Variants in RGS22 observed in about 807,000 individuals in gnomAD.
RGS22 encodes regulator of G-protein signaling 22.
A neutral mutation model predicts 172.9 loss-of-function variants in RGS22; 148 were observed. The ratio of observed to expected loss-of-function variants is 0.86; its 90% CI spans 0.75 to 0.98. The LOEUF (loss-of-function observed/expected upper bound fraction) is 0.98, where lower values mean the gene tolerates loss of function less well. RGS22 is among the 50% of genes least tolerant of loss of function. The pLI is 0.00. For missense variants in RGS22, 1,347 were observed against 1,440.8 expected, an observed-to-expected ratio of 0.93 and a Z score of 1.05; for synonymous variants, 458 against 480.2, an observed-to-expected ratio of 0.95 and a Z score of 0.60.
chr8:100,053,724 C>T (rs966949848), intron 9 of RGS22, among the ~76,000 whole-genome samples: 6 of 152,080 alleles, frequency 3.9e-5, no homozygotes, highest in African/African-American at 7.2e-5. Flanking sequence ...CAACCTCTGC[C>T]TCCTGGGTTC....
Position 99,965,416 on chromosome 8 carries a change from T to C in RGS22, c.3534A>G (p.Gln1178=), listed in dbSNP as rs147697097. 37,587 of 1,609,022 alleles carry C rather than the reference T, an allele frequency of 0.023. 524 individuals are homozygous for C. Among genetic ancestry groups the C allele is most frequent in the Middle Eastern group, 0.038 (230 of 6,054 alleles). Residue 1178 remains glutamine (Q), a synonymous_variant, in exon 24 of 28, where the codon CAA becomes CAG. Transcript: ENST00000360863. ...DEKSGKDGIK[Q]YANTSVPAIK... is the part of the protein sequence containing the mutation. ...TAGCAGGCACTGAAGTATTTGCATA[T>C]TGTTTGATTCCATCCTGTAATTATA... is the stretch of plus-strand genomic sequence containing the variant.
chr8:99,985,508 A>T (rs1563576046), intron 21 of RGS22, among the ~76,000 whole-genome samples: 1 of 152,306 alleles, frequency 6.6e-6, no homozygotes, highest in South Asian at 2.1e-4. Flanking sequence ...TAGTCAGAAC[A>T]TGCATCAGAA....
Position 100,003,989 on chromosome 8 carries a change from TCA to T in RGS22, c.2562_2563del (p.Ser854ArgfsTer4). 6.2e-7 allele frequency: 1 copy of T among 1,612,226 alleles called. No individual in the cohort carries two copies. Among genetic ancestry groups the T allele is most frequent in the Non-Finnish European group, 8.5e-7 (1 of 1,178,926 alleles). ...AAACTCCAGTTTGTTGTTAAGCAGA[TCA>T]CTAAACTTAAAATGCTTGTATTCTG... On this transcript the variant is annotated frameshift_variant, in exon 17 of 28. Coordinates refer to ENST00000360863, the MANE Select transcript of RGS22 (RefSeq NM_015668.5). LOFTEE classifies it high-confidence loss of function.
At chr8:100,023,777 T>G (rs1157950374) in intron 14 of RGS22, among the ~76,000 whole-genome samples, 2 of 152,100 alleles carry the variant, frequency 1.3e-5, no homozygotes, top group African/African-American at 4.8e-5. Flanking sequence ...TCATTACAAA[T>G]CTTGCAGGCC....
intron 2 of RGS22, among the ~76,000 whole-genome samples, chr8:100,098,819 T>G: frequency 6.7e-6 from 1 of 150,080 alleles, no homozygotes; most frequent in Non-Finnish European, 1.5e-5. Context: ...GATGCTCCCC[T>G]GCCCCTGACC....
In RGS22 at chr8:100,060,421, T is replaced by TATATAC. The variant is rs1245783464; in HGVS notation, c.1514+2169_1514+2170insGTATAT. ...CTACGTGTATATATATATATATATA[T>TATATAC]ACACACACACACACACACACGCACC... is the stretch of plus-strand genomic sequence containing the variant. On this transcript the variant is annotated intron_variant, in intron 9 of 27. Transcript: ENST00000360863. Among the ~76,000 whole-genome samples the TATATAC allele has an allele frequency of 6.0e-3, 715 of 119,496 alleles. 35 individuals are homozygous for TATATAC. The East Asian group carries it at 0.065, about 11-fold the overall frequency. The allele number at this position is 119,496 out of a possible 152,430, so 78.4% of individuals were successfully genotyped here. A position where few individuals can be genotyped will look rare whatever the true frequency, so the allele number is the denominator to read the frequency against.
chr8:100,004,674 C>T (rs1174755329), intron 16 of RGS22: 1 of 151,680 alleles, frequency 6.6e-6, no homozygotes, highest in Non-Finnish European at 1.5e-5. Flanking sequence ...TAGGATTATG[C>T]ACCTATTTAT....
At chr8:99,972,743 C>T (rs13252374) in intron 23 of RGS22, among the ~76,000 whole-genome samples, 2,788 of 152,120 alleles carry the variant, frequency 0.018, 37 homozygotes, top group Non-Finnish European at 0.028. Context: ...ATGAAAAAGT[C>T]AGGAAATAAG....
intron 20 of RGS22, among the ~76,000 whole-genome samples, chr8:99,988,414 C>A (rs1813340120): frequency 6.6e-6 from 1 of 152,002 alleles, no homozygotes; most frequent in Non-Finnish European, 1.5e-5. Context: ...ACATATTCAA[C>A]CCCATTTAGC....
intron 15 of RGS22, among the ~76,000 whole-genome samples, chr8:100,006,608 T>C (rs1448003420): frequency 1.3e-5 from 2 of 152,304 alleles, no homozygotes; most frequent in South Asian, 4.1e-4. Flanking sequence ...TACTACTTCA[T>C]ATAGTCAGGA....
At chr8:100,018,105 T>C (rs1310558991) in intron 14 of RGS22, among the ~76,000 whole-genome samples, 1 of 151,862 alleles carries the variant, frequency 6.6e-6, no homozygotes, top group Admixed American at 6.6e-5. Context: ...AAGCCTCATC[T>C]CTCCTGGAGA....
chr8:100,079,605 AT>A (rs1386741825), intron 4 of RGS22, among the ~76,000 whole-genome samples: 1 of 152,204 alleles, frequency 6.6e-6, no homozygotes, highest in Non-Finnish European at 1.5e-5. Context: ...GATGATGAAA[AT>A]CAGATTCATC....
Position 100,052,934 on chromosome 8 carries a change from A to T in RGS22, c.1557T>A (p.Tyr519Ter). Reference sequence around the variant, plus strand: ...GCCAGAATTTCAGTTCAGCACTAGCATATTTTGTTGAGGCTGAATGAGTAA... The same window carrying T: ...GCCAGAATTTCAGTTCAGCACTAGCTTATTTTGTTGAGGCTGAATGAGTAA... ...FCVTHSASTK[Y>*]ASAELKFWHL... Residue 519 changes from tyrosine to a stop codon, truncating the protein, a stop_gained, in exon 10 of 28, where the codon TAT becomes TAA. Coordinates refer to ENST00000360863, the MANE Select transcript of RGS22 (RefSeq NM_015668.5). LOFTEE classifies it high-confidence loss of function. 1 of 1,614,094 alleles carries T rather than the reference A, an allele frequency of 6.2e-7. No homozygotes were observed. The highest frequency in any genetic ancestry group is 1.1e-5 in the South Asian group (1 of 91,078).
rs964318916 is a variant in RGS22 at position 100,106,049 on chromosome 8, T to G, written c.-128A>C. On this transcript the variant is annotated 5_prime_UTR_variant, in exon 1 of 28. Coordinates refer to ENST00000360863, the MANE Select transcript of RGS22 (RefSeq NM_015668.5). ...GGCTCCGGAGCTACGCTGGCTAGCG[T>G]GGCCGGCGCCGCGCCGGGGTTGCTA... 6 of 1,161,138 alleles carry G rather than the reference T, an allele frequency of 5.2e-6. No homozygotes were observed. Among genetic ancestry groups the G allele is most frequent in the African/African-American group, 1.6e-5 (1 of 61,614 alleles). 71.9% of individuals were successfully genotyped at this position (1,161,138 alleles called of 1,614,324 possible).
chr8:100,051,616 T>C lies in RGS22; in HGVS notation c.1689+1186A>G, dbSNP rs868219415. ...ATAAATATATATTTATATATGTTTA[T>C]ACATATATAAATATATATTTATATA... On this transcript the variant is annotated intron_variant, in intron 10 of 27. Coordinates refer to ENST00000360863, the MANE Select transcript of RGS22 (RefSeq NM_015668.5). Among the ~76,000 whole-genome samples the C allele has an allele frequency of 1.2e-4, 5 of 43,380 alleles. 2 individuals carry two copies. The highest frequency in any genetic ancestry group is 5.1e-4 in the African/African-American group (5 of 9,844). 28.5% of individuals were successfully genotyped at this position (43,380 alleles called of 152,430 possible).
chr8:99,984,597 C>T (rs1445078377), intron 21 of RGS22, among the ~76,000 whole-genome samples: 1 of 152,158 alleles, frequency 6.6e-6, no homozygotes, highest in African/African-American at 2.4e-5. Flanking sequence ...GCACACTGTG[C>T]TTCTTCCCTT....
At chr8:100,049,674 T>C (rs1821076073) in intron 10 of RGS22, among the ~76,000 whole-genome samples, 1 of 152,148 alleles carries the variant, frequency 6.6e-6, no homozygotes, top group South Asian at 2.1e-4. Context: ...TGAGGAAACA[T>C]TCGTGCACTA....
intron 4 of RGS22, among the ~76,000 whole-genome samples, chr8:100,078,939 T>C (rs1378795477): frequency 6.6e-6 from 1 of 152,224 alleles, no homozygotes; most frequent in Non-Finnish European, 1.5e-5. Flanking sequence ...TTCTCATTAC[T>C]TATGCCTCTT....
At chr8:100,027,512 T>C (rs1424750127) in intron 14 of RGS22, among the ~76,000 whole-genome samples, 1 of 152,208 alleles carries the variant, frequency 6.6e-6, no homozygotes, top group Non-Finnish European at 1.5e-5. Flanking sequence ...AGATGGAGTC[T>C]CACTCTGTTG....
Sources: gnomAD v4.1 joint callset for allele counts (sites outside exome capture counted in the v4.1 genomes callset) on GRCh38, gnomAD v4.1.1 for gene constraint, MANE v1.5 for transcripts, NCBI Gene and HGNC (gene_info 2026-07-23, HGNC 2026-07-21) for gene names.